Variants in FHL2 observed in about 807,000 individuals in gnomAD.
FHL2 encodes four and a half LIM domains 2, also known as four and a half LIM domains protein 2.
A neutral mutation model predicts 32.7 loss-of-function variants in FHL2; 20 were observed. That is an observed-to-expected ratio of 0.61 (90% CI 0.43 to 0.89). FHL2 has a LOEUF of 0.89. Ranked by LOEUF, FHL2 falls within the 40% of genes least tolerant of loss-of-function variation. FHL2 has a pLI of 0.00. For synonymous variants in FHL2, 123 were observed against 128.1 expected, an observed-to-expected ratio of 0.96 and a Z score of 0.27; for missense variants, 311 against 358.6, an observed-to-expected ratio of 0.87 and a Z score of 1.07.
chr2:105,405,382 A>T (rs1354545043), intron 1 of FHL2, among the ~76,000 whole-genome samples: 9 of 152,104 alleles, frequency 5.9e-5, no homozygotes, highest in Admixed American at 5.9e-4. Flanking sequence ...GAAATGGGGG[A>T]GTCTCATGCC....
At chr2:105,391,368 G>A (rs954238027) in intron 2 of FHL2, among the ~76,000 whole-genome samples, 1 of 152,182 alleles carries the variant, frequency 6.6e-6, no homozygotes, top group African/African-American at 2.4e-5. Flanking sequence ...CGCAGAGGAG[G>A]AGCCCCTGAG....
At chr2:105,430,310 CTT>C (rs1175485324) in intron 1 of FHL2, among the ~76,000 whole-genome samples, 1 of 152,184 alleles carries the variant, frequency 6.6e-6, no homozygotes, top group African/African-American at 2.4e-5. Context: ...CTGTCCTCCT[CTT>C]GTTTCCTTTC....
At chr2:105,409,890 G>A (rs1435352897) in intron 1 of FHL2, among the ~76,000 whole-genome samples, 4 of 152,236 alleles carry the variant, frequency 2.6e-5, no homozygotes, top group Non-Finnish European at 5.9e-5. Flanking sequence ...CGCCAGGAGA[G>A]CAAGCCGACT....
chr2:105,402,084 T>TGTATATATACGTGTATATATACAC (rs986757068), upstream of FHL2, among the ~76,000 whole-genome samples: 4 of 121,716 alleles, frequency 3.3e-5, no homozygotes, highest in South Asian at 2.3e-4. Context: ...TGTATATATG[T>TGTATATATACGTGTATATATACAC]GTATATATAC....
chr2:105,397,888 G>GTTTTT (rs55868128), intron 1 of FHL2, among the ~76,000 whole-genome samples: 4 of 138,572 alleles, frequency 2.9e-5, no homozygotes, highest in South Asian at 2.2e-4. Flanking sequence ...TTTGTTTTTT[G>GTTTTT]TTTTTTTTTG....
chr2:105,426,676 G>T (rs959901264), intron 1 of FHL2, among the ~76,000 whole-genome samples: 1 of 152,206 alleles, frequency 6.6e-6, no homozygotes, highest in East Asian at 1.9e-4. Flanking sequence ...CAGAAGGGGG[G>T]CCAGGCACTC....
chr2:105,374,059 T>C, intron 3 of FHL2: 1 of 347,840 alleles, frequency 2.9e-6, no homozygotes, highest in Non-Finnish European at 5.5e-6. Flanking sequence ...CATGAACACC[T>C]ATCAATTCGT....
chr2:105,391,824 C>T, intron 2 of FHL2, among the ~76,000 whole-genome samples: 1 of 152,228 alleles, frequency 6.6e-6, no homozygotes, highest in East Asian at 1.9e-4. Flanking sequence ...GACAGGTTAT[C>T]AATAATTCCT....
At chr2:105,399,752 C>T, upstream of FHL2, 1 of 878,186 alleles carries the variant, frequency 1.1e-6, no homozygotes, top group East Asian at 2.8e-5. Flanking sequence ...CACTGTTCAG[C>T]ATTGTCGCAG....
chr2:105,387,858 A>T (rs1191523398), intron 2 of FHL2, among the ~76,000 whole-genome samples: 1 of 152,230 alleles, frequency 6.6e-6, no homozygotes, highest in Non-Finnish European at 1.5e-5. Context: ...ATCAACCTAA[A>T]TGCCCAGCGA....
intron 6 of FHL2, 94 bp downstream of exon 6, chr2:105,363,191 G>T: frequency 8.3e-7 from 1 of 1,208,658 alleles, no homozygotes; most frequent in South Asian, 1.4e-5. Context: ...GAGGTCTGGG[G>T]AGTTGAGGGA....
chr2:105,416,483 A>G (rs931512215), intron 1 of FHL2, among the ~76,000 whole-genome samples: 1 of 152,228 alleles, frequency 6.6e-6, no homozygotes, highest in African/African-American at 2.4e-5. Context: ...AAATGGATAG[A>G]TTCTACACCA....
At chr2:105,399,387 G>GCCTTCTC (rs1262768171), upstream of FHL2, 2 of 1,536,002 alleles carry the variant, frequency 1.3e-6, no homozygotes, top group East Asian at 2.4e-5. Flanking sequence ...GGTCCCAGGA[G>GCCTTCTC]CGGGAGACTG....
chr2:105,407,466 T>C (rs1683672280), intron 1 of FHL2, among the ~76,000 whole-genome samples: 1 of 151,172 alleles, frequency 6.6e-6, no homozygotes. Flanking sequence ...TGGCTCTATA[T>C]GACCCTGCTC....
intron 1 of FHL2, among the ~76,000 whole-genome samples, chr2:105,397,153 TA>T (rs1362358993): frequency 2.0e-5 from 3 of 151,608 alleles, no homozygotes; most frequent in Admixed American, 2.0e-4. Context: ...ATTCAAATGT[TA>T]AAAAAAATAA....
In FHL2 at chr2:105,361,171, A is replaced by C; in HGVS notation, c.*112T>G. Reference sequence around the variant, plus strand: ...CGTGAGTATCACTGAAAAGCACTAGAAGAAAGTCTCAATGTGGCTGGAAGA... The same window carrying C: ...CGTGAGTATCACTGAAAAGCACTAGCAGAAAGTCTCAATGTGGCTGGAAGA... On this transcript the variant is annotated 3_prime_UTR_variant, in exon 7 of 7. Coordinates refer to ENST00000530340, the MANE Select transcript of FHL2 (RefSeq NM_001318895.3). The C allele has an allele frequency of 9.2e-7, 1 of 1,088,928 alleles. No homozygotes were observed. The highest frequency in any genetic ancestry group is 1.5e-5 in the South Asian group (1 of 66,882). 67.5% of individuals were successfully genotyped at this position (1,088,928 alleles called of 1,614,324 possible).
Position 105,363,318 on chromosome 2 carries a change from T to G in FHL2, c.655A>C (p.Lys219Gln), listed in dbSNP as rs765651831. 9 of 1,614,166 alleles carry G rather than the reference T, an allele frequency of 5.6e-6. No homozygotes were observed. In the East Asian group the frequency reaches 1.8e-4, roughly 32 times the overall value. The change falls in exon 6 of 7, where the codon AAG becomes CAG. Residue 219 changes from lysine (K) to glutamine (Q), a missense_variant. Physicochemically the swap from Lys to Gln is moderately conservative, Grantham distance 53. Transcript: ENST00000530340. Reference sequence around the variant, plus strand: ...GGGTTGGTGCACCCAGCACACTTCTTGGCATACAAGTCACAGAAGCAGTTC... The same window carrying G: ...GGGTTGGTGCACCCAGCACACTTCTGGGCATACAAGTCACAGAAGCAGTTC... ...CLNCFCDLYA[K>Q]KCAGCTNPIS...
chr2:105,362,207 T>G (rs1020386400), intron 6 of FHL2, among the ~76,000 whole-genome samples: 1 of 152,230 alleles, frequency 6.6e-6, no homozygotes, highest in African/African-American at 2.4e-5. Flanking sequence ...AAGATTACAT[T>G]TTCCCCCTAA....
chr2:105,358,180 T>C (rs1038701374), downstream of FHL2: 8 of 152,216 alleles, frequency 5.3e-5, no homozygotes, highest in Admixed American at 3.3e-4. Context: ...AGATGTCTTA[T>C]TGTTTTTGAC....
Sources: gnomAD v4.1 joint callset for allele counts (sites outside exome capture counted in the v4.1 genomes callset) on GRCh38, gnomAD v4.1.1 for gene constraint, MANE v1.5 for transcripts, NCBI Gene and HGNC (gene_info 2026-07-23, HGNC 2026-07-21) for gene names.